Variants in CACNA2D3 observed in about 807,000 individuals in gnomAD.
CACNA2D3 encodes voltage-dependent calcium channel subunit alpha-2/delta-3.
In CACNA2D3, 60 loss-of-function variants were observed where a neutral mutation model predicts 160.6. The observed-to-expected ratio is 0.37, with a 90% CI of 0.30 to 0.46. The LOEUF is 0.46. Among genes scored for constraint, CACNA2D3 ranks in the 20% least tolerant of loss-of-function variants. The pLI is 1.00. For synonymous variants in CACNA2D3, 558 were observed against 492.9 expected (o/e 1.13, Z -1.75); for missense variants, 1,205 against 1,365.0 (o/e 0.88, Z 1.85).
chr3:54,511,852 C>G (rs562746040), intron 5 of CACNA2D3, among the ~76,000 whole-genome samples: 39 of 152,298 alleles, frequency 2.6e-4, no homozygotes, highest in African/African-American at 9.1e-4. Context: ...TTCAAGGTTA[C>G]TTCTATGATA....
chr3:54,980,302 C>T (rs778064097), intron 29 of CACNA2D3, among the ~76,000 whole-genome samples: 1 of 152,126 alleles, frequency 6.6e-6, no homozygotes, highest in Non-Finnish European at 1.5e-5. Context: ...ACCTGTTGTG[C>T]TTTTATTCCA....
chr3:54,452,150 A>G lies in CACNA2D3; in HGVS notation c.382-51342A>G, dbSNP rs116737660. 2.3e-3 allele frequency among the ~76,000 whole-genome samples: 358 copies of G among 152,354 alleles called. 3 individuals are homozygous for G. Among genetic ancestry groups the G allele is most frequent in the African/African-American group, 8.4e-3 (349 of 41,588 alleles). ...TGAGACTGGGTAACTTATCAAGGAA[A>G]GAGGTTTAATGGACCTCCAGTTCAG... On this transcript the variant is annotated intron_variant, in intron 4 of 37. Coordinates refer to ENST00000474759, the MANE Select transcript of CACNA2D3 (RefSeq NM_018398.3).
chr3:54,804,340 A>G (rs993988811), intron 13 of CACNA2D3, among the ~76,000 whole-genome samples: 12 of 152,206 alleles, frequency 7.9e-5, no homozygotes, highest in African/African-American at 2.9e-4. Flanking sequence ...ACATAGGCTC[A>G]AAATAAAAGG....
At chr3:54,249,663 A>G (rs1269779022) in intron 2 of CACNA2D3, among the ~76,000 whole-genome samples, 7 of 44,706 alleles carry the variant, frequency 1.6e-4, no homozygotes, top group Non-Finnish European at 2.5e-4. Flanking sequence ...CTGTTTACGT[A>G]CACACACACA....
intron 9 of CACNA2D3, among the ~76,000 whole-genome samples, chr3:54,605,716 T>G (rs1698595241): frequency 6.6e-6 from 1 of 152,214 alleles, no homozygotes; most frequent in African/African-American, 2.4e-5. Context: ...TTCCAGTATG[T>G]AGATCCCAGA....
At position 54,955,328 on chromosome 3, in the gene CACNA2D3, A is replaced by C. The variant is rs989475439; in HGVS notation, c.2450-13122A>C. On this transcript the variant is annotated intron_variant, in intron 27 of 37. Coordinates refer to ENST00000474759, the MANE Select transcript of CACNA2D3 (RefSeq NM_018398.3). ...CAGGTAATCTCTTGAAGCTACTCTCAGAAGAACAGATGAAAAGTCTGTCTG... is the reference window on the plus strand; with the variant it reads ...CAGGTAATCTCTTGAAGCTACTCTCCGAAGAACAGATGAAAAGTCTGTCTG... Among the ~76,000 whole-genome samples the C allele has an allele frequency of 4.6e-5, 7 of 152,306 alleles. No homozygotes were observed. In the South Asian group the frequency reaches 1.4e-3, roughly 32 times the overall value.
intron 3 of CACNA2D3, among the ~76,000 whole-genome samples, chr3:54,375,275 T>C (rs1312106730): frequency 6.6e-6 from 1 of 152,224 alleles, no homozygotes; most frequent in African/African-American, 2.4e-5. Context: ...TCTAATGTCC[T>C]TGAAGACAAC....
chr3:54,559,386 A>G (rs935515653), intron 5 of CACNA2D3, among the ~76,000 whole-genome samples: 1 of 151,950 alleles, frequency 6.6e-6, no homozygotes, highest in African/African-American at 2.4e-5. Context: ...TCCGCCTCCC[A>G]GGTTCAAGCT....
In CACNA2D3 at chr3:54,145,695, T is replaced by C. The variant is rs149278259; in HGVS notation, c.204+22101T>C. ...TCAGCACCCAGTGCAGGGCGCAGCA[T>C]CCAGAGACTGCATGAAGTCGACAAG... On this transcript the variant is annotated intron_variant, in intron 2 of 37. Transcript: ENST00000474759. Among the ~76,000 whole-genome samples the C allele has an allele frequency of 3.2e-3, 482 of 152,302 alleles. 3 individuals carry two copies. Among genetic ancestry groups the C allele is most frequent in the South Asian group, 0.019 (91 of 4,818 alleles).
chr3:55,006,190 G>A (rs1703089246), intron 32 of CACNA2D3, among the ~76,000 whole-genome samples: 1 of 152,132 alleles, frequency 6.6e-6, no homozygotes, highest in South Asian at 2.1e-4. Flanking sequence ...AAGCTCAGTG[G>A]CTTTACGCTT....
chr3:54,570,214 C>A, intron 8 of CACNA2D3, 110 bp downstream of exon 8: 2 of 1,117,526 alleles, frequency 1.8e-6, no homozygotes, highest in Non-Finnish European at 2.6e-6. Context: ...GATGCCAGAA[C>A]ATGAGGCCTG....
At chr3:54,571,757 G>A (rs920596865) in intron 8 of CACNA2D3, among the ~76,000 whole-genome samples, 6 of 152,190 alleles carry the variant, frequency 3.9e-5, no homozygotes, top group South Asian at 2.1e-4. Context: ...GGTGATGGGC[G>A]CAGAGCCTGG....
rs141075355 is a variant in CACNA2D3 at position 54,447,808 on chromosome 3, T to C, written c.382-55684T>C. Among the ~76,000 whole-genome samples, 858 of 152,336 alleles carry C rather than the reference T, an allele frequency of 5.6e-3. 7 individuals are homozygous for C. The highest frequency in any genetic ancestry group is 0.019 in the African/African-American group (800 of 41,580). The stretch of plus-strand genomic sequence containing the variant: ...TATTGCTGTGAGCCAACCTTTGGGC[T>C]CTTTTAGATGACATTTCTGGCCATT... On this transcript the variant is annotated intron_variant, in intron 4 of 37. Coordinates refer to ENST00000474759, the MANE Select transcript of CACNA2D3 (RefSeq NM_018398.3).
At chr3:54,924,564 A>G (rs1700954754) in intron 27 of CACNA2D3, 7 of 1,394,400 alleles carry the variant, frequency 5.0e-6, no homozygotes, top group Non-Finnish European at 6.0e-6. Context: ...AACAGATGAG[A>G]TTCATCCTAG....
chr3:54,426,678 CAAAT>C (rs1438885221), intron 4 of CACNA2D3, among the ~76,000 whole-genome samples: 1 of 152,174 alleles, frequency 6.6e-6, no homozygotes, highest in Non-Finnish European at 1.5e-5. Flanking sequence ...GTGTGTGCCA[CAAAT>C]AGAGGATAGA....
intron 4 of CACNA2D3, among the ~76,000 whole-genome samples, chr3:54,416,955 CAG>C (rs1474980545): frequency 1.6e-4 from 25 of 152,142 alleles, no homozygotes; most frequent in Admixed American, 1.6e-3. Flanking sequence ...CACTGTCAGG[CAG>C]GTGTCCACCC....
At chr3:54,431,091 C>G (rs1448599355) in intron 4 of CACNA2D3, among the ~76,000 whole-genome samples, 1 of 152,048 alleles carries the variant, frequency 6.6e-6, no homozygotes, top group Non-Finnish European at 1.5e-5. Context: ...GTAATCCCAG[C>G]ACTTTGGGAG....
chr3:55,038,172 T>C lies in CACNA2D3; in HGVS notation c.2987+19855T>C, dbSNP rs566516497. Among the ~76,000 whole-genome samples, 6 of 152,326 alleles carry C rather than the reference T, an allele frequency of 3.9e-5. No homozygotes were observed. The South Asian group carries it at 1.2e-3, about 32-fold the overall frequency. ...AGTCTGTAATAGTCGGAAAATTTGG[T>C]TGTGGTACCTAGAACAAGCAGATTG... On this transcript the variant is annotated intron_variant, in intron 35 of 37. Coordinates refer to ENST00000474759, the MANE Select transcript of CACNA2D3 (RefSeq NM_018398.3).
chr3:54,975,591 T>C (rs1702373193), intron 29 of CACNA2D3, among the ~76,000 whole-genome samples: 1 of 151,578 alleles, frequency 6.6e-6, no homozygotes, highest in Non-Finnish European at 1.5e-5. Flanking sequence ...AGGCATGTTG[T>C]CCTTCAGGAT....
Sources: gnomAD v4.1 joint callset for allele counts (sites outside exome capture counted in the v4.1 genomes callset) on GRCh38, gnomAD v4.1.1 for gene constraint, MANE v1.5 for transcripts, NCBI Gene and HGNC (gene_info 2026-07-23, HGNC 2026-07-21) for gene names.